The following DOK6 variants were observed in gnomAD, a reference collection of about 807,000 sequenced individuals.
DOK6 encodes downstream of tyrosine kinase 6.
A neutral mutation model predicts 44.0 loss-of-function variants in DOK6; 22 were observed. The observed-to-expected ratio is 0.50, with a 90% confidence interval of 0.36 to 0.71. DOK6 has a LOEUF of 0.71. Ranked by LOEUF, DOK6 falls within the 30% of genes least tolerant of loss-of-function variation. The probability of loss-of-function intolerance (pLI) is 0.00; values close to 1 mark genes in which losing one functional copy is unlikely to be tolerated. For synonymous variants in DOK6, 166 were observed against 145.5 expected (o/e 1.14, Z -1.01); for missense variants, 340 against 416.4 (o/e 0.82, Z 1.60).
intron 3 of DOK6, among the ~76,000 whole-genome samples, chr18:69,669,906 A>G (rs1985754639): frequency 6.6e-6 from 1 of 152,222 alleles, no homozygotes; most frequent in Non-Finnish European, 1.5e-5. Flanking sequence ...AAAGGAATAA[A>G]ATATTTGGCC....
At chr18:69,817,255 GAT>G (rs1981427640) in intron 7 of DOK6, among the ~76,000 whole-genome samples, 1 of 151,972 alleles carries the variant, frequency 6.6e-6, no homozygotes, top group African/African-American at 2.4e-5. Flanking sequence ...GATCATTTCA[GAT>G]ATGTTTCAAC....
intron 7 of DOK6, among the ~76,000 whole-genome samples, chr18:69,791,310 T>C (rs1033034564): frequency 3.3e-5 from 5 of 152,180 alleles, no homozygotes; most frequent in African/African-American, 1.2e-4. Context: ...CTACTTTTGG[T>C]TCTTTGAGGA....
chr18:69,642,945 T>C (rs1358094461), intron 3 of DOK6, among the ~76,000 whole-genome samples: 2 of 152,220 alleles, frequency 1.3e-5, no homozygotes, highest in Non-Finnish European at 2.9e-5. Flanking sequence ...AGCACACTGA[T>C]GATTGCAAAA....
intron 7 of DOK6, among the ~76,000 whole-genome samples, chr18:69,822,808 A>C (rs542085699): frequency 6.6e-6 from 1 of 152,360 alleles, no homozygotes; most frequent in East Asian, 1.9e-4. Flanking sequence ...TTTTAAAAAT[A>C]CTTTAAATTG....
Position 69,843,956 on chromosome 18 carries a change from CT to C in DOK6, c.*2575del, listed in dbSNP as rs1366175044. The C allele has an allele frequency of 6.6e-6, 1 of 152,090 alleles. No homozygotes were observed. The highest frequency in any genetic ancestry group is 1.5e-5 in the Non-Finnish European group (1 of 68,002). 9.4% of individuals were successfully genotyped at this position (152,090 alleles called of 1,614,324 possible). Reference sequence around the variant, plus strand: ...GGAGAACTTATATTAGACTAATATCCTTGACACGAAGCAGGGTTCATTGTAA... The same window carrying C: ...GGAGAACTTATATTAGACTAATATCCTGACACGAAGCAGGGTTCATTGTAA... On this transcript the variant is annotated 3_prime_UTR_variant, in exon 8 of 8. Coordinates refer to ENST00000382713, the MANE Select transcript of DOK6 (RefSeq NM_152721.6).
chr18:69,415,612 T>C (rs146416722), intron 1 of DOK6, among the ~76,000 whole-genome samples: 114 of 152,254 alleles, frequency 7.5e-4, no homozygotes, highest in Middle Eastern at 6.8e-3. Flanking sequence ...AGTGAGTGCA[T>C]GCAGATAGCC....
At chr18:69,495,577 G>C (rs1225525132) in intron 1 of DOK6, among the ~76,000 whole-genome samples, 1 of 152,142 alleles carries the variant, frequency 6.6e-6, no homozygotes, top group Non-Finnish European at 1.5e-5. Flanking sequence ...TTGGTCCATG[G>C]GCAGCTATAG....
intron 1 of DOK6, among the ~76,000 whole-genome samples, chr18:69,483,355 A>G (rs900895761): frequency 6.6e-6 from 1 of 152,068 alleles, no homozygotes; most frequent in Non-Finnish European, 1.5e-5. Context: ...GAGCCAAATC[A>G]GGAATGAACT....
chr18:69,819,314 T>C (rs566895508), intron 7 of DOK6, among the ~76,000 whole-genome samples: 11 of 152,232 alleles, frequency 7.2e-5, no homozygotes, highest in Middle Eastern at 3.4e-3. Context: ...TAAAATGTCA[T>C]TAATGCACAT....
chr18:69,758,822 A>G (rs758439878), intron 7 of DOK6, among the ~76,000 whole-genome samples: 4 of 152,216 alleles, frequency 2.6e-5, no homozygotes, highest in Admixed American at 6.5e-5. Context: ...TCTTTCACAC[A>G]TTAGCTTTTG....
intron 1 of DOK6, among the ~76,000 whole-genome samples, chr18:69,514,247 T>C (rs1177608129): frequency 1.6e-5 from 2 of 126,974 alleles, no homozygotes; most frequent in Admixed American, 8.3e-5. Context: ...AAAATGTAAA[T>C]GAGTAAAAAA....
At chr18:69,722,402 G>C (rs73970241) in intron 5 of DOK6, among the ~76,000 whole-genome samples, 23 of 152,214 alleles carry the variant, frequency 1.5e-4, no homozygotes, top group African/African-American at 5.5e-4. Context: ...CTTTGATCTA[G>C]AACTAGAAGG....
intron 1 of DOK6, among the ~76,000 whole-genome samples, chr18:69,415,930 T>C (rs1236928436): frequency 6.6e-6 from 1 of 152,096 alleles, no homozygotes; most frequent in Non-Finnish European, 1.5e-5. Flanking sequence ...TTCCAGTGAA[T>C]ACACTCATCA....
At chr18:69,764,315 A>G (rs956860989) in intron 7 of DOK6, among the ~76,000 whole-genome samples, 5 of 152,272 alleles carry the variant, frequency 3.3e-5, no homozygotes, top group African/African-American at 1.2e-4. Flanking sequence ...CGTGATGACT[A>G]AACTTTCTCT....
intron 7 of DOK6, among the ~76,000 whole-genome samples, chr18:69,791,491 T>C (rs1256425879): frequency 1.3e-5 from 2 of 152,196 alleles, no homozygotes; most frequent in African/African-American, 4.8e-5. Flanking sequence ...AATCTGCATT[T>C]CTCTGATGAT....
chr18:69,663,665 C>G (rs1025588524), intron 3 of DOK6, among the ~76,000 whole-genome samples: 5 of 152,162 alleles, frequency 3.3e-5, no homozygotes, highest in African/African-American at 1.2e-4. Flanking sequence ...ACACCCTAGG[C>G]ACAGTATTGT....
chr18:69,434,214 T>C (rs1234438693), intron 1 of DOK6, among the ~76,000 whole-genome samples: 1 of 152,208 alleles, frequency 6.6e-6, no homozygotes, highest in Admixed American at 6.5e-5. Context: ...TCAATTTCTC[T>C]ACCATTCCAC....
intron 3 of DOK6, among the ~76,000 whole-genome samples, chr18:69,618,850 C>G (rs1488771125): frequency 6.6e-6 from 1 of 152,060 alleles, no homozygotes; most frequent in African/African-American, 2.4e-5. Flanking sequence ...GTTTTGAACA[C>G]AAGTGGTCCA....
chr18:69,631,600 ACT>A (rs753656815), intron 3 of DOK6, among the ~76,000 whole-genome samples: 58 of 151,882 alleles, frequency 3.8e-4, no homozygotes, highest in Non-Finnish European at 7.9e-4. Flanking sequence ...TGGGTGAAAA[ACT>A]CACCCTGCCA....
Sources: allele counts gnomAD v4.1 joint callset (sites outside exome capture counted in the v4.1 genomes callset), GRCh38; gene constraint gnomAD v4.1.1; transcripts MANE v1.5; gene names NCBI Gene and HGNC (gene_info 2026-07-23, HGNC 2026-07-21).